Variants in ZFYVE26 observed in about 807,000 individuals in gnomAD.
ZFYVE26 encodes zinc finger FYVE domain-containing protein 26.
ZFYVE26 carries 181 observed loss-of-function variants against 276.5 expected under a neutral mutation model. The observed-to-expected ratio is 0.65, with a 90% CI of 0.58 to 0.74. The LOEUF (loss-of-function observed/expected upper bound fraction) is 0.74. Among genes scored for constraint, ZFYVE26 ranks in the 30% least tolerant of loss-of-function variants. The probability of loss-of-function intolerance (pLI) is 0.00; values close to 1 mark genes in which losing one functional copy is unlikely to be tolerated. For missense variants in ZFYVE26, 2,821 were observed against 3,097.9 expected, an observed-to-expected ratio of 0.91 and a Z score of 2.12; for synonymous variants, 1,129 against 1,203.1, an observed-to-expected ratio of 0.94 and a Z score of 1.27.
Position 67,775,877 on chromosome 14 carries a change from T to C in ZFYVE26, c.5204A>G (p.Gln1735Arg). ...AEKALDFPYP[Q>R]REKRSDSVIH... Reference sequence around the variant, plus strand: ...GCAGTTACCTGATCGTTTCTCCCTCTGAGGGTATGGAAAGTCCAGGGCTTT... The same window carrying C: ...GCAGTTACCTGATCGTTTCTCCCTCCGAGGGTATGGAAAGTCCAGGGCTTT... The change falls in exon 26 of 42, where the codon CAG becomes CGG. Residue 1735 changes from glutamine to arginine, a missense_variant. Transcript: ENST00000347230. 2 of 1,614,222 alleles carry C rather than the reference T, an allele frequency of 1.2e-6. No homozygotes were observed. The highest frequency in any genetic ancestry group is 2.2e-5 in the South Asian group (2 of 91,090).
chr14:67,803,194 A>G (rs926658301), intron 9 of ZFYVE26, among the ~76,000 whole-genome samples: 4 of 152,168 alleles, frequency 2.6e-5, no homozygotes, highest in Non-Finnish European at 5.9e-5. Context: ...CTTCTCAAAA[A>G]CAAACAAATG....
rs2039327866 is a variant in ZFYVE26 at position 67,775,873 on chromosome 14, C to T, written c.5208G>A (p.Arg1736=). The T allele has an allele frequency of 2.5e-6, 4 of 1,614,058 alleles. No individual in the cohort carries two copies. Among genetic ancestry groups the T allele is most frequent in the South Asian group, 1.1e-5 (1 of 91,082 alleles). ...GCTAGCAGTTACCTGATCGTTTCTC[C>T]CTCTGAGGGTATGGAAAGTCCAGGG... The part of the protein sequence containing the change: ...EKALDFPYPQ[R]EKRSDSVIHL... Residue 1736 remains arginine, a synonymous_variant, in exon 26 of 42, where the codon AGG becomes AGA. Coordinates refer to ENST00000347230, the MANE Select transcript of ZFYVE26 (RefSeq NM_015346.4).
chr14:67,732,389 C>T (rs142056144), intron 13 of ZFYVE26, among the ~76,000 whole-genome samples: 74 of 150,252 alleles, frequency 4.9e-4, no homozygotes, highest in African/African-American at 1.8e-3. Flanking sequence ...ATGATAGTGC[C>T]ACTGCACTCC....
chr14:67,806,714 C>T (rs1439137668), intron 5 of ZFYVE26, 39 bp from the exon 6 acceptor site: 1 of 1,612,900 alleles, frequency 6.2e-7, no homozygotes, highest in South Asian at 1.1e-5. Context: ...AAACCAAGAA[C>T]TCTTCTTTTC....
chr14:67,789,448 G>T lies in ZFYVE26; in HGVS notation c.2906C>A (p.Pro969His). ...PLREVLEDLS[P>H]PAMAAFDLAC... ...TAGGTCAAATGCAGCCATGGCAGGG[G>T]GACTGAGGTCTTCCAGAACCTCTCT... Residue 969 changes from proline (P) to histidine (H), a missense_variant, in exon 16 of 42, where the codon CCC becomes CAC. Physicochemically the swap from Pro to His is moderately conservative, Grantham distance 77. Coordinates refer to ENST00000347230, the MANE Select transcript of ZFYVE26 (RefSeq NM_015346.4). 1 of 1,614,162 alleles carries T rather than the reference G, an allele frequency of 6.2e-7. No individual in the cohort carries two copies. The highest frequency in any genetic ancestry group is 8.5e-7 in the Non-Finnish European group (1 of 1,180,024).
chr14:67,807,928 G>A lies in ZFYVE26; in HGVS notation c.364-8C>T. 1 of 1,614,168 alleles carries A rather than the reference G, an allele frequency of 6.2e-7. No individual in the cohort carries two copies. Among genetic ancestry groups the A allele is most frequent in the Non-Finnish European group, 8.5e-7 (1 of 1,180,008 alleles). On this transcript the variant is annotated splice_region_variant and splice_polypyrimidine_tract_variant and intron_variant, in intron 4 of 41. Transcript: ENST00000347230. Reference sequence around the variant, plus strand: ...TAAGGTCTCATACAGCTCCTAAATAGAGGATGAAGAAAAGGATGGGTGGTG... The same window carrying A: ...TAAGGTCTCATACAGCTCCTAAATAAAGGATGAAGAAAAGGATGGGTGGTG...
chr14:67,732,227 G>A (rs931734047), intron 13 of ZFYVE26, among the ~76,000 whole-genome samples: 21 of 151,700 alleles, frequency 1.4e-4, no homozygotes, highest in Non-Finnish European at 2.5e-4. Flanking sequence ...GCTTGAGCTC[G>A]GGAATTCCAT....
At chr14:67,783,549 A>C (rs1197023179) in intron 20 of ZFYVE26, 24 bp from the exon 21 acceptor site, 1 of 1,609,466 alleles carries the variant, frequency 6.2e-7, no homozygotes, top group Admixed American at 1.7e-5. Context: ...AGCAGAAAGC[A>C]TACAAGGCCT....
At chr14:67,765,415 G>T (rs2039030423) in intron 32 of ZFYVE26, among the ~76,000 whole-genome samples, 1 of 152,122 alleles carries the variant, frequency 6.6e-6, no homozygotes, top group Non-Finnish European at 1.5e-5. Context: ...GCCTAGAGGG[G>T]TTAACAGAGC....
At chr14:67,788,715 T>TG (rs1276795078) in intron 16 of ZFYVE26, among the ~76,000 whole-genome samples, 1 of 152,188 alleles carries the variant, frequency 6.6e-6, no homozygotes, top group East Asian at 1.9e-4. Context: ...CCCAGACACA[T>TG]GGGGCTACTC....
Position 67,798,295 on chromosome 14 carries a change from C to G in ZFYVE26, c.1967G>C (p.Ser656Thr). 1 of 1,614,136 alleles carries G rather than the reference C, an allele frequency of 6.2e-7. No homozygotes were observed. The highest frequency in any genetic ancestry group is 8.5e-7 in the Non-Finnish European group (1 of 1,179,996). Residue 656 changes from serine (S) to threonine (T), a missense_variant, in exon 11 of 42, where the codon AGT (serine) becomes ACT (threonine). Ser to Thr is a moderately conservative substitution (Grantham distance 58, BLOSUM62 1). Transcript: ENST00000347230. The part of the protein sequence containing the change: ...PSHVKAEPKD[S>T]YPGPHRHSFL... ...GCTGTGCCTATGAGGCCCTGGGTAA[C>G]TGTCTTTTGGCTCTGCCTTCACATG...
At chr14:67,779,515 T>C (rs953816247) in intron 23 of ZFYVE26, among the ~76,000 whole-genome samples, 7 of 152,064 alleles carry the variant, frequency 4.6e-5, no homozygotes, top group African/African-American at 4.8e-5. Context: ...TGAGCCAAGA[T>C]TGCGCCATTG....
At chr14:67,778,959 C>T (rs2039424272) in intron 23 of ZFYVE26, among the ~76,000 whole-genome samples, 1 of 152,206 alleles carries the variant, frequency 6.6e-6, no homozygotes, top group South Asian at 2.1e-4. Context: ...CCTAGGGATG[C>T]ATCTTACATC....
intron 40 of ZFYVE26, 66 bp from the exon 41 acceptor site, chr14:67,751,162 AC>A: frequency 6.3e-7 from 1 of 1,575,768 alleles, no homozygotes; most frequent in Non-Finnish European, 8.7e-7. Flanking sequence ...CCAGGGCCCA[AC>A]CCAGCCTCAG....
Position 67,789,649 on chromosome 14 carries a change from T to C in ZFYVE26, c.2756-51A>G, listed in dbSNP as rs994948372. 4 of 1,611,298 alleles carry C rather than the reference T, an allele frequency of 2.5e-6. No individual in the cohort carries two copies. The African/African-American group carries it at 4.0e-5, about 16-fold the overall frequency. ...AGCAAAGGGTTAAAAGGATTCTTACTACAACTTTTATTAGGTAAAGTAGTT... is the reference window on the plus strand; with the variant it reads ...AGCAAAGGGTTAAAAGGATTCTTACCACAACTTTTATTAGGTAAAGTAGTT... On this transcript the variant is annotated intron_variant, in intron 15 of 41. Coordinates refer to ENST00000347230, the MANE Select transcript of ZFYVE26 (RefSeq NM_015346.4).
chr14:67,754,037 A>G (rs184494332), intron 38 of ZFYVE26, 34 bp downstream of exon 38: 14 of 1,614,122 alleles, frequency 8.7e-6, no homozygotes, highest in African/African-American at 1.3e-5. Context: ...AAAGATGACA[A>G]TAGTCTGCCA....
In ZFYVE26 at chr14:67,772,213, G is replaced by A. The variant is rs376234357; in HGVS notation, c.5321-3C>T. The A allele has an allele frequency of 1.1e-4, 183 of 1,612,036 alleles. No individual in the cohort carries two copies. The highest frequency in any genetic ancestry group is 1.3e-4 in the Admixed American group (8 of 59,762). On this transcript the variant is annotated splice_polypyrimidine_tract_variant and splice_region_variant and intron_variant, in intron 27 of 41. Coordinates refer to ENST00000347230, the MANE Select transcript of ZFYVE26 (RefSeq NM_015346.4). ...AGGGGAATGTATACTGGAGATACCT[G>A]GGAGGCAGAGCCAGAGGTCAGAGTA...
In ZFYVE26 at chr14:67,758,116, G is replaced by A. The variant is rs373526875; in HGVS notation, c.6589-1971C>T. ...AGACTTGAGGTTAGGAGTAATTAACGGAGAGTCAAGGATGGCTATAAAGTC... is the reference window on the plus strand; with the variant it reads ...AGACTTGAGGTTAGGAGTAATTAACAGAGAGTCAAGGATGGCTATAAAGTC... On this transcript the variant is annotated intron_variant, in intron 35 of 41. Coordinates refer to ENST00000347230, the MANE Select transcript of ZFYVE26 (RefSeq NM_015346.4). Among the ~76,000 whole-genome samples the A allele has an allele frequency of 3.9e-5, 6 of 152,244 alleles. No homozygotes were observed. In the East Asian group the frequency reaches 7.7e-4, roughly 20 times the overall value.
intron 13 of ZFYVE26, among the ~76,000 whole-genome samples, chr14:67,733,133 T>A (rs2038307013): frequency 1.3e-5 from 2 of 150,968 alleles, no homozygotes; most frequent in Admixed American, 6.6e-5. Context: ...ATAATAAAAT[T>A]AAAAAAAACA....
Sources: allele counts gnomAD v4.1 joint callset (sites outside exome capture counted in the v4.1 genomes callset), GRCh38; gene constraint gnomAD v4.1.1; transcripts MANE v1.5; gene names NCBI Gene and HGNC (gene_info 2026-07-23, HGNC 2026-07-21).